Variants in RAB3IP observed in about 807,000 individuals in gnomAD.
RAB3IP encodes rab-3A-interacting protein.
In RAB3IP, 36 loss-of-function variants were observed where a neutral mutation model predicts 59.1. The observed-to-expected ratio is 0.61, with a 90% confidence interval of 0.47 to 0.80. The LOEUF is 0.80. Ranked by LOEUF, RAB3IP falls within the 30% of genes least tolerant of loss-of-function variation. The pLI is 0.00. For synonymous variants in RAB3IP, 207 were observed against 191.2 expected (o/e 1.08, Z -0.68); for missense variants, 511 against 536.0 (o/e 0.95, Z 0.46).
rs369350133 is a variant in RAB3IP, at chr12:69,739,879, T to C, written c.-26+848T>C. ...TAAAAAAGATGAAAGGGTAAGGTCT[T>C]GAAAGACACGAGCGCTGAGTTAGTT... On this transcript the variant is annotated intron_variant, in intron 1 of 10. Transcript: ENST00000247833. The C allele has an allele frequency of 2.3e-4, 371 of 1,613,774 alleles. 1 individual carries two copies. The highest frequency in any genetic ancestry group is 3.0e-4 in the Non-Finnish European group (358 of 1,179,796).
intron 1 of RAB3IP, among the ~76,000 whole-genome samples, chr12:69,742,369 T>A (rs1887429044): frequency 6.6e-6 from 1 of 152,218 alleles, no homozygotes; most frequent in African/African-American, 2.4e-5. Flanking sequence ...TCTAGCTTGT[T>A]TCTCCTTTTT....
At chr12:69,809,370 T>A (rs1449929403) in intron 8 of RAB3IP, among the ~76,000 whole-genome samples, 1 of 152,148 alleles carries the variant, frequency 6.6e-6, no homozygotes, top group Non-Finnish European at 1.5e-5. Flanking sequence ...ATCTGACAAT[T>A]ATGTGTCTTG....
In RAB3IP at chr12:69,818,268, A is replaced by T. The variant is rs1881345542; in HGVS notation, c.*2822A>T. 6.6e-6 allele frequency: 1 copy of T among 152,242 alleles called. No individual in the cohort carries two copies. The highest frequency in any genetic ancestry group is 1.5e-5 in the Non-Finnish European group (1 of 68,080). The allele number at this position is 152,242 out of a possible 1,614,324, so 9.4% of individuals were successfully genotyped here. On this transcript the variant is annotated 3_prime_UTR_variant, in exon 11 of 11. Coordinates refer to ENST00000247833, the MANE Select transcript of RAB3IP (RefSeq NM_022456.5). The stretch of plus-strand genomic sequence containing the variant: ...CAAGACCAGCTTGAGCAACATAGGG[A>T]GACCACATCTGCACAAAAAGATTTT...
intron 1 of RAB3IP, among the ~76,000 whole-genome samples, chr12:69,741,373 C>T (rs1364546108): frequency 6.6e-6 from 1 of 152,192 alleles, no homozygotes; most frequent in Admixed American, 6.5e-5. Flanking sequence ...AAAACTGTAT[C>T]CGACTGCCCA....
At chr12:69,761,250 C>A (rs1332531677) in intron 3 of RAB3IP, among the ~76,000 whole-genome samples, 1 of 152,074 alleles carries the variant, frequency 6.6e-6, no homozygotes, top group Non-Finnish European at 1.5e-5. Context: ...TGATTTGGAT[C>A]TTTTTTATAC....
At chr12:69,755,252 A>T (rs549848551) in intron 1 of RAB3IP, 132 bp from the exon 2 acceptor site, 53 of 844,966 alleles carry the variant, frequency 6.3e-5, no homozygotes, top group Non-Finnish European at 8.6e-5. Context: ...GTGGTTTTTT[A>T]AAAAAAGCCT....
At chr12:69,807,721 G>T (rs1409685871) in intron 8 of RAB3IP, among the ~76,000 whole-genome samples, 1 of 148,780 alleles carries the variant, frequency 6.7e-6, no homozygotes, top group Non-Finnish European at 1.5e-5. Context: ...TTCCTAGATG[G>T]GGCGGCCGGG....
intron 6 of RAB3IP, chr12:69,796,741 A>G: frequency 2.1e-6 from 1 of 483,398 alleles, no homozygotes; most frequent in South Asian, 3.6e-5. Flanking sequence ...CTTTGTCCTA[A>G]CTTTAATTCT....
intron 10 of RAB3IP, among the ~76,000 whole-genome samples, chr12:69,813,718 C>T (rs966453537): frequency 2.0e-5 from 3 of 151,930 alleles, no homozygotes; most frequent in Admixed American, 6.6e-5. Flanking sequence ...ATAGCAGATA[C>T]TAGGCTAGGG....
rs565775997 is a variant in RAB3IP, at chr12:69,807,916, C to T, written c.1131-4862C>T. Among the ~76,000 whole-genome samples, 108 of 152,010 alleles carry T rather than the reference C, an allele frequency of 7.1e-4. 4 individuals carry two copies. The South Asian group carries it at 0.015, about 21-fold the overall frequency. On this transcript the variant is annotated intron_variant, in intron 8 of 10. Transcript: ENST00000247833. ...TCACCTCCCAGATGGGGCGGCCGGG[C>T]GGAGGCGCTCCTCACCTCCCAGACG...
chr12:69,795,188 G>A lies in RAB3IP; in HGVS notation c.732G>A (p.Leu244=). 1 of 1,614,048 alleles carries A rather than the reference G, an allele frequency of 6.2e-7. No homozygotes were observed. Among genetic ancestry groups the A allele is most frequent in the South Asian group, 1.1e-5 (1 of 91,086 alleles). Residue 244 remains leucine, a synonymous_variant, in exon 6 of 11, where the codon TTG becomes TTA. Transcript: ENST00000247833. ...TAGCTGCATTGAAGACACTTGTATTGTCCAGTTCTCCAACATCACCTACGC... is the reference window on the plus strand; with the variant it reads ...TAGCTGCATTGAAGACACTTGTATTATCCAGTTCTCCAACATCACCTACGC... The part of the protein sequence containing the change: ...AEVAALKTLV[L]SSSPTSPTQE...
At position 69,817,789 on chromosome 12, in the gene RAB3IP, A is replaced by AT. The variant is rs1555232199; in HGVS notation, c.*2343_*2344insT. 6.6e-6 allele frequency: 1 copy of AT among 151,368 alleles called. No individual in the cohort carries two copies. Among genetic ancestry groups the AT allele is most frequent in the Non-Finnish European group, 1.5e-5 (1 of 67,686 alleles). 9.4% of individuals were successfully genotyped at this position (151,368 alleles called of 1,614,324 possible). ...GGGAGACCTTGTCTCTAAAAAAAAA[A>AT]CTAAAGCTAAACTACAAACTGTGAG... On this transcript the variant is annotated 3_prime_UTR_variant, in exon 11 of 11. Transcript: ENST00000247833.
intron 3 of RAB3IP, among the ~76,000 whole-genome samples, chr12:69,779,716 A>T (rs1874330419): frequency 2.7e-5 from 4 of 146,770 alleles, no homozygotes; most frequent in African/African-American, 2.5e-5. Flanking sequence ...TCTCTCTTAA[A>T]TTTTTCTGAT....
chr12:69,759,282 C>T (rs1479160599), intron 3 of RAB3IP, among the ~76,000 whole-genome samples: 1 of 150,480 alleles, frequency 6.6e-6, no homozygotes, highest in African/African-American at 2.4e-5. Flanking sequence ...GCACATGTTT[C>T]AGAGAGCACA....
upstream of RAB3IP, chr12:69,738,828 C>T (rs550863549): frequency 6.6e-6 from 1 of 152,222 alleles, no homozygotes; most frequent in African/African-American, 2.4e-5. Flanking sequence ...ACCGGCCGCT[C>T]CCGGCTCCCG....
At chr12:69,742,726 G>T (rs1722618607) in intron 1 of RAB3IP, among the ~76,000 whole-genome samples, 1 of 152,138 alleles carries the variant, frequency 6.6e-6, no homozygotes, top group Non-Finnish European at 1.5e-5. Context: ...GACAAAGGAA[G>T]GAAGAGGAAG....
chr12:69,742,890 A>G (rs896974900), intron 1 of RAB3IP, among the ~76,000 whole-genome samples: 1 of 152,260 alleles, frequency 6.6e-6, no homozygotes, highest in Non-Finnish European at 1.5e-5. Flanking sequence ...TTATCTTAGA[A>G]TATAGGGCAA....
rs551695667 is a variant in RAB3IP at position 69,794,019 on chromosome 12, C to CTGCAACATTATTG, written c.607-417_607-405dup. 2.6e-4 allele frequency among the ~76,000 whole-genome samples: 40 copies of CTGCAACATTATTG among 152,270 alleles called. No individual in the cohort carries two copies. The South Asian group carries it at 4.6e-3, about 17-fold the overall frequency. On this transcript the variant is annotated intron_variant, in intron 4 of 10. Coordinates refer to ENST00000247833, the MANE Select transcript of RAB3IP (RefSeq NM_022456.5). ...GCTTCTTAGCTGTCATTACTATAAA[C>CTGCAACATTATTG]TGCAACATTATTGGTGTGTTAATGT...
At chr12:69,805,977 G>T (rs1879197993) in intron 8 of RAB3IP, among the ~76,000 whole-genome samples, 1 of 152,118 alleles carries the variant, frequency 6.6e-6, no homozygotes, top group South Asian at 2.1e-4. Flanking sequence ...TTATGTCTCT[G>T]CCCGGCTTTG....
Sources: gnomAD v4.1 joint callset for allele counts (sites outside exome capture counted in the v4.1 genomes callset) on GRCh38, gnomAD v4.1.1 for gene constraint, MANE v1.5 for transcripts, NCBI Gene and HGNC (gene_info 2026-07-23, HGNC 2026-07-21) for gene names.